The following NELL1 variants were observed in gnomAD, a reference collection of about 807,000 sequenced individuals.
The protein encoded by NELL1 is neural EGFL like 1.
A neutral mutation model predicts 107.4 loss-of-function variants in NELL1; 76 were observed. That is an observed-to-expected ratio of 0.71 (90% CI 0.59 to 0.86). NELL1 has a LOEUF of 0.86. NELL1 is among the 40% of genes least tolerant of loss of function. The probability of loss-of-function intolerance (pLI) is 0.00; values close to 1 mark genes in which losing one functional copy is unlikely to be tolerated. For synonymous variants in NELL1, 353 were observed against 341.2 expected (o/e 1.03, Z -0.38); for missense variants, 1,024 against 1,005.5 (o/e 1.02, Z -0.25).
At chr11:21,208,855 G>C (rs896792585) in intron 13 of NELL1, among the ~76,000 whole-genome samples, 1 of 152,122 alleles carries the variant, frequency 6.6e-6, no homozygotes, top group Non-Finnish European at 1.5e-5. Flanking sequence ...GTTCCACCAA[G>C]GGTAATAGAA....
chr11:21,128,237 T>TGA (rs1452551528), intron 13 of NELL1, among the ~76,000 whole-genome samples: 1 of 152,140 alleles, frequency 6.6e-6, no homozygotes, highest in African/African-American at 2.4e-5. Context: ...AACTAGACAG[T>TGA]GGTGCTCTAA....
chr11:21,290,388 A>AAATAAAATAGATAAAT (rs1316194017), intron 14 of NELL1, among the ~76,000 whole-genome samples: 2 of 107,328 alleles, frequency 1.9e-5, no homozygotes, highest in African/African-American at 7.2e-5. Context: ...ATAAATAAAT[A>AAATAAAATAGATAAAT]AAATAAATAG....
At chr11:21,474,875 G>A (rs993855097) in intron 15 of NELL1, among the ~76,000 whole-genome samples, 7 of 152,018 alleles carry the variant, frequency 4.6e-5, no homozygotes, top group African/African-American at 1.7e-4. Flanking sequence ...AATAATACTA[G>A]CAATGGTTCT....
intron 10 of NELL1, among the ~76,000 whole-genome samples, chr11:20,945,340 A>C (rs1358957884): frequency 6.6e-6 from 1 of 152,236 alleles, no homozygotes; most frequent in East Asian, 1.9e-4. Flanking sequence ...CGAGGTAAAG[A>C]ATATCCCATA....
chr11:21,075,789 T>C (rs1854121115), intron 12 of NELL1, among the ~76,000 whole-genome samples: 1 of 152,234 alleles, frequency 6.6e-6, no homozygotes, highest in South Asian at 2.1e-4. Flanking sequence ...CACTTTACTC[T>C]TGAATTCATA....
rs902299808 is a variant in NELL1, at chr11:20,862,327, C to A, written c.506+14574C>A. Among the ~76,000 whole-genome samples, 10 of 152,088 alleles carry A rather than the reference C, an allele frequency of 6.6e-5. No individual in the cohort carries two copies. The East Asian group carries it at 1.9e-3, about 29-fold the overall frequency. ...CAATTTTAGTTCTGTTTTGGCATAG[C>A]AAAATTGAACAGGAAGTACGGAGAG... is the stretch of plus-strand genomic sequence containing the variant. On this transcript the variant is annotated intron_variant, in intron 4 of 19. Transcript: ENST00000357134.
At chr11:20,761,746 C>T (rs1192968176) in intron 2 of NELL1, among the ~76,000 whole-genome samples, 1 of 152,142 alleles carries the variant, frequency 6.6e-6, no homozygotes, top group Non-Finnish European at 1.5e-5. Flanking sequence ...TGGAAGCTAG[C>T]TGGTTTTGCA....
intron 14 of NELL1, among the ~76,000 whole-genome samples, chr11:21,289,293 C>A (rs893159591): frequency 6.6e-6 from 1 of 152,180 alleles, no homozygotes; most frequent in East Asian, 1.9e-4. Context: ...GTGATTTCTG[C>A]ATTTCCAACT....
intron 2 of NELL1, among the ~76,000 whole-genome samples, chr11:20,765,161 T>TA (rs11342033): frequency 0.039 from 5,493 of 140,246 alleles, 140 homozygotes; most frequent in African/African-American, 0.073. Context: ...CTGTCTTTGT[T>TA]AAAAAAAAAA....
At chr11:20,825,465 A>G (rs1381133574) in intron 3 of NELL1, among the ~76,000 whole-genome samples, 1 of 151,458 alleles carries the variant, frequency 6.6e-6, no homozygotes, top group African/African-American at 2.4e-5. Flanking sequence ...GCCCAAGGCC[A>G]TGGGAGTCCA....
intron 2 of NELL1, among the ~76,000 whole-genome samples, chr11:20,772,303 T>C (rs1297198273): frequency 6.6e-6 from 1 of 152,122 alleles, no homozygotes; most frequent in Admixed American, 6.5e-5. Flanking sequence ...TGCTCTCGTG[T>C]TGGGGACTAG....
chr11:21,525,059 CAG>C lies in NELL1; in HGVS notation c.1646-9310_1646-9309del, dbSNP rs111985100. Among the ~76,000 whole-genome samples, 352 of 152,186 alleles carry C rather than the reference CAG, an allele frequency of 2.3e-3. 1 individual carries two copies. The highest frequency in any genetic ancestry group is 8.2e-3 in the African/African-American group (342 of 41,512). On this transcript the variant is annotated intron_variant, in intron 15 of 19. Coordinates refer to ENST00000357134, the MANE Select transcript of NELL1 (RefSeq NM_006157.5). ...TAGAGGTCAGCTTAGAGATATAGAT[CAG>C]AGAGTTTCCAGAATAAAGGTGAGAG...
chr11:21,013,179 T>A (rs575885595), intron 12 of NELL1, among the ~76,000 whole-genome samples: 36 of 152,294 alleles, frequency 2.4e-4, no homozygotes, highest in African/African-American at 8.7e-4. Flanking sequence ...AGATCTCTTT[T>A]ACTGTCACAA....
chr11:21,396,845 A>G (rs559503649), intron 15 of NELL1, among the ~76,000 whole-genome samples: 2 of 148,672 alleles, frequency 1.3e-5, no homozygotes, highest in East Asian at 4.0e-4. Flanking sequence ...AGAATGCCAT[A>G]AAAAAAAAAT....
At chr11:20,775,256 A>C (rs1267777224) in intron 2 of NELL1, among the ~76,000 whole-genome samples, 1 of 152,216 alleles carries the variant, frequency 6.6e-6, no homozygotes, top group Non-Finnish European at 1.5e-5. Flanking sequence ...AATAAATTTT[A>C]TGTTACCATA....
intron 13 of NELL1, among the ~76,000 whole-genome samples, chr11:21,217,822 G>A (rs184079031): frequency 1.3e-5 from 2 of 152,294 alleles, no homozygotes; most frequent in Non-Finnish European, 1.5e-5. Context: ...AGAAATGTTT[G>A]TCAGGTAGTC....
intron 11 of NELL1, among the ~76,000 whole-genome samples, chr11:20,954,824 G>A (rs1414845920): frequency 6.6e-6 from 1 of 152,144 alleles, no homozygotes; most frequent in East Asian, 1.9e-4. Flanking sequence ...TCAACTCCGG[G>A]CATCATGATT....
chr11:21,254,989 T>C (rs1020911984), intron 14 of NELL1, among the ~76,000 whole-genome samples: 1 of 152,056 alleles, frequency 6.6e-6, no homozygotes, highest in Admixed American at 6.6e-5. Context: ...ATGGTAATGA[T>C]CTGAAATGAC....
At chr11:20,864,395 A>C (rs1329813649) in intron 4 of NELL1, among the ~76,000 whole-genome samples, 1 of 152,186 alleles carries the variant, frequency 6.6e-6, no homozygotes, top group East Asian at 1.9e-4. Context: ...CATACTATAG[A>C]TCTTGTGAAC....
Sources: gnomAD v4.1 joint callset for allele counts (sites outside exome capture counted in the v4.1 genomes callset) on GRCh38, gnomAD v4.1.1 for gene constraint, MANE v1.5 for transcripts, NCBI Gene and HGNC (gene_info 2026-07-23, HGNC 2026-07-21) for gene names.